The following MET variants were observed in gnomAD, a reference collection of about 807,000 sequenced individuals.
The protein encoded by MET is MET proto-oncogene, receptor tyrosine kinase.
Under a neutral mutation model 133.1 loss-of-function variants are expected in MET, and 48 were observed. That is an observed-to-expected ratio of 0.36 (90% CI 0.29 to 0.46). The LOEUF (loss-of-function observed/expected upper bound fraction) is 0.46, where lower values mean the gene tolerates loss of function less well. Ranked by LOEUF, MET falls within the 20% of genes least tolerant of loss-of-function variation. The pLI, the probability that MET is intolerant of heterozygous loss-of-function variation, is 1.00. For synonymous variants in MET, 628 were observed against 616.5 expected (o/e 1.02, Z -0.28); for missense variants, 1,442 against 1,695.9 (o/e 0.85, Z 2.63).
At chr7:116,774,096 T>A (rs1794915510) in intron 14 of MET, among the ~76,000 whole-genome samples, 1 of 152,120 alleles carries the variant, frequency 6.6e-6, no homozygotes, top group South Asian at 2.1e-4. Context: ...AAAGTGGAAA[T>A]GCCCTATTTG....
In MET at chr7:116,730,041, A is replaced by AT. The variant is rs374759493; in HGVS notation, c.1201-1626dup. ...AAATGTTATGTTGCAGCTTGTAACT[A>AT]TGTTACAGCTATGCTATGGGTACAC... On this transcript the variant is annotated intron_variant, in intron 2 of 20. Transcript: ENST00000397752. Among the ~76,000 whole-genome samples the AT allele has an allele frequency of 4.5e-3, 679 of 152,308 alleles. 4 individuals are homozygous for AT. Among genetic ancestry groups the AT allele is most frequent in the African/African-American group, 0.015 (630 of 41,556 alleles).
intron 19 of MET, among the ~76,000 whole-genome samples, chr7:116,789,728 G>T (rs1001317171): frequency 6.6e-6 from 1 of 152,100 alleles, no homozygotes; most frequent in African/African-American, 2.4e-5. Flanking sequence ...CCATGTTGTC[G>T]TATCAGTAGT....
intron 6 of MET, among the ~76,000 whole-genome samples, chr7:116,757,177 G>A (rs1271211591): frequency 1.3e-5 from 2 of 152,120 alleles, no homozygotes; most frequent in Non-Finnish European, 2.9e-5. Context: ...AGGCTGCAGT[G>A]AGCTATGACT....
At position 116,731,700 on chromosome 7, in the gene MET, G is replaced by T; in HGVS notation, c.1233G>T (p.Ala411=). ...TLLRNSSGCE[A]RRDEYRTEFT... ...TGAGAAATTCATCAGGCTGTGAAGC[G>T]CGCCGTGATGAATATCGAACAGAGT... Residue 411 remains alanine, a synonymous_variant, in exon 3 of 21, where the codon GCG becomes GCT. Coordinates refer to ENST00000397752, the MANE Select transcript of MET (RefSeq NM_000245.4). The T allele has an allele frequency of 6.2e-7, 1 of 1,614,064 alleles. No individual in the cohort carries two copies. The highest frequency in any genetic ancestry group is 8.5e-7 in the Non-Finnish European group (1 of 1,179,960).
At chr7:116,690,533 T>C (rs1796745357) in intron 1 of MET, among the ~76,000 whole-genome samples, 1 of 152,244 alleles carries the variant, frequency 6.6e-6, no homozygotes, top group African/African-American at 2.4e-5. Flanking sequence ...TGGAAACCAT[T>C]GTCAAGGTAG....
intron 5 of MET, among the ~76,000 whole-genome samples, chr7:116,755,067 G>A (rs368505502): frequency 2.5e-5 from 3 of 122,144 alleles, no homozygotes; most frequent in Non-Finnish European, 5.5e-5. Context: ...GGAAGGACTC[G>A]AAAAGCCCCT....
chr7:116,672,789 G>C (rs954947537), intron 1 of MET, among the ~76,000 whole-genome samples: 1 of 151,834 alleles, frequency 6.6e-6, no homozygotes, highest in African/African-American at 2.4e-5. Context: ...GCTTCTGATG[G>C]CCACCTGTAT....
Position 116,755,419 on chromosome 7 carries a change from G to C in MET, c.1766G>C (p.Gly589Ala), listed in dbSNP as rs943753621. ...TRLTICGWDFGFRRNNKFDLK... is the reference protein window; with the variant it reads ...TRLTICGWDFAFRRNNKFDLK... ...CTGACCATATGTGGCTGGGACTTTG[G>C]ATTTCGGAGGAATAATAAATTTGAT... Residue 589 changes from glycine (G) to alanine (A), a missense_variant, in exon 6 of 21, where the codon GGA becomes GCA. This residue lies in a region of MET where 762 missense variants were observed against 792.4 expected (regional missense o/e 0.96). Coordinates refer to ENST00000397752, the MANE Select transcript of MET (RefSeq NM_000245.4). 2 of 1,614,068 alleles carry C rather than the reference G, an allele frequency of 1.2e-6. No homozygotes were observed. The highest frequency in any genetic ancestry group is 2.2e-5 in the South Asian group (2 of 91,084).
At position 116,782,000 on chromosome 7, in the gene MET, A is replaced by G; in HGVS notation, c.3535A>G (p.Lys1179Glu). Reference protein sequence around the residue: ...IRNETHNPTVKDLIGFGLQVA... With the variant: ...IRNETHNPTVEDLIGFGLQVA... ...TCTTTGACTGCAGAATCCAACTGTA[A>G]AAGATCTTATTGGCTTTGGTCTTCA... is the stretch of plus-strand genomic sequence containing the variant. Residue 1179 changes from lysine (K) to glutamate (E), a missense_variant, in exon 18 of 21, where the codon AAA becomes GAA. Lys to Glu is a moderately conservative substitution (Grantham distance 56). Transcript: ENST00000397752. 1 of 1,612,572 alleles carries G rather than the reference A, an allele frequency of 6.2e-7. No individual in the cohort carries two copies. The highest frequency in any genetic ancestry group is 8.5e-7 in the Non-Finnish European group (1 of 1,178,796).
intron 11 of MET, among the ~76,000 whole-genome samples, chr7:116,766,717 G>A (rs1794640913): frequency 6.6e-6 from 1 of 152,108 alleles, no homozygotes; most frequent in Non-Finnish European, 1.5e-5. Context: ...TGCTGCCCAG[G>A]TTAATGGGCA....
chr7:116,701,103 C>T (rs1791560422), intron 2 of MET, among the ~76,000 whole-genome samples: 1 of 152,118 alleles, frequency 6.6e-6, no homozygotes. Context: ...ATTCTTGGTG[C>T]TGTGATTTAA....
chr7:116,678,566 G>A (rs1346366082), intron 1 of MET, among the ~76,000 whole-genome samples: 1 of 152,150 alleles, frequency 6.6e-6, no homozygotes, highest in Non-Finnish European at 1.5e-5. Context: ...TATGGTCTTT[G>A]CAAGTCAGAG....
chr7:116,792,718 C>T (rs1795547969), intron 19 of MET, among the ~76,000 whole-genome samples: 1 of 152,146 alleles, frequency 6.6e-6, no homozygotes, highest in Non-Finnish European at 1.5e-5. Flanking sequence ...TCCTTTAATT[C>T]CTTGGAAAAT....
At chr7:116,761,520 G>A (rs1463006655) in intron 10 of MET, among the ~76,000 whole-genome samples, 2 of 152,028 alleles carry the variant, frequency 1.3e-5, no homozygotes, top group African/African-American at 2.4e-5. Flanking sequence ...AGATATATAG[G>A]TCCAGCCACA....
intron 6 of MET, among the ~76,000 whole-genome samples, chr7:116,757,113 G>A (rs137920591): frequency 4.4e-4 from 67 of 152,008 alleles, no homozygotes; most frequent in African/African-American, 1.4e-3. Flanking sequence ...GCCGTGGCAT[G>A]CACCTCTAGT....
At chr7:116,740,714 AG>A (rs1196381520) in intron 4 of MET, 137 bp from the exon 5 acceptor site, 8 of 1,032,250 alleles carry the variant, frequency 7.8e-6, no homozygotes, top group Non-Finnish European at 1.2e-5. Flanking sequence ...CCGTTATGAC[AG>A]GATTTGCACA....
intron 19 of MET, 25 bp from the exon 20 acceptor site, chr7:116,795,630 T>C (rs773819002): frequency 6.2e-7 from 1 of 1,612,966 alleles, no homozygotes; most frequent in Non-Finnish European, 8.5e-7. Context: ...TCTCACCTCA[T>C]CTGTCCTGTT....
At chr7:116,773,230 G>A (rs1794888962) in intron 14 of MET, among the ~76,000 whole-genome samples, 1 of 152,184 alleles carries the variant, frequency 6.6e-6, no homozygotes, top group African/African-American at 2.4e-5. Flanking sequence ...GAGAGAATGA[G>A]AAAATAGGTG....
chr7:116,774,501 G>C (rs776714088), intron 14 of MET, among the ~76,000 whole-genome samples: 11 of 152,190 alleles, frequency 7.2e-5, no homozygotes, highest in Admixed American at 2.6e-4. Flanking sequence ...GTCTCAAAAG[G>C]CATCTTTTTC....
Sources: allele counts gnomAD v4.1 joint callset (sites outside exome capture counted in the v4.1 genomes callset), GRCh38; gene constraint gnomAD v4.1.1; regional missense constraint gnomAD v4.1.1; transcripts MANE v1.5; gene names NCBI Gene and HGNC (gene_info 2026-07-23, HGNC 2026-07-21).